The following ATP13A4 variants were observed in gnomAD, a reference collection of about 807,000 sequenced individuals.
The protein encoded by ATP13A4 is ATPase 13A4, also known as probable cation-transporting ATPase 13A4.
Under a neutral mutation model 142.5 loss-of-function variants are expected in ATP13A4, and 114 were observed. That is an observed-to-expected ratio of 0.80 (90% CI 0.69 to 0.93). The LOEUF (loss-of-function observed/expected upper bound fraction) is 0.93. Among genes scored for constraint, ATP13A4 ranks in the 40% least tolerant of loss-of-function variants. The pLI, the probability that ATP13A4 is intolerant of heterozygous loss-of-function variation, is 0.00. For missense variants in ATP13A4, 1,392 were observed against 1,454.0 expected (o/e 0.96, Z 0.69); for synonymous variants, 488 against 514.8 (o/e 0.95, Z 0.70).
At chr3:193,573,278 T>C (rs565729481) in intron 2 of ATP13A4, among the ~76,000 whole-genome samples, 11 of 99,416 alleles carry the variant, frequency 1.1e-4, no homozygotes, top group African/African-American at 4.4e-4. Flanking sequence ...TATATATACA[T>C]ATATATATAT....
chr3:193,490,284 G>C (rs866235799), intron 6 of ATP13A4, among the ~76,000 whole-genome samples: 1 of 152,176 alleles, frequency 6.6e-6, no homozygotes, highest in Non-Finnish European at 1.5e-5. Context: ...CATCACAATA[G>C]TTATTTAAGG....
chr3:193,436,959 C>G (rs1716314109), intron 23 of ATP13A4, among the ~76,000 whole-genome samples: 1 of 148,544 alleles, frequency 6.7e-6, no homozygotes, highest in Non-Finnish European at 1.5e-5. Flanking sequence ...AAAAAATTAG[C>G]CGGGCGTGGT....
intron 28 of ATP13A4, among the ~76,000 whole-genome samples, 192 bp from the exon 29 acceptor site, chr3:193,407,585 A>G (rs1260370669): frequency 2.6e-5 from 4 of 152,096 alleles, no homozygotes; most frequent in Non-Finnish European, 5.9e-5. Context: ...GAAAGGTTAT[A>G]CTTATGATCC....
intron 17 of ATP13A4, among the ~76,000 whole-genome samples, chr3:193,449,313 C>G (rs1387015106): frequency 6.6e-6 from 1 of 152,134 alleles, no homozygotes; most frequent in African/African-American, 2.4e-5. Context: ...AGACACAGAT[C>G]GAGAACAAGA....
At chr3:193,514,426 G>A (rs2108685003) in intron 2 of ATP13A4, among the ~76,000 whole-genome samples, 1 of 152,248 alleles carries the variant, frequency 6.6e-6, no homozygotes, top group Admixed American at 6.5e-5. Context: ...TCTTTATTAT[G>A]GCTGCAGAGT....
intron 25 of ATP13A4, among the ~76,000 whole-genome samples, chr3:193,420,809 C>G (rs1005797801): frequency 2.7e-5 from 4 of 148,672 alleles, no homozygotes; most frequent in African/African-American, 9.9e-5. Flanking sequence ...CTAGAGCAAG[C>G]AGAAGAAAGA....
At chr3:193,555,025 C>T, upstream of ATP13A4, 1 of 1,099,842 alleles carries the variant, frequency 9.1e-7, no homozygotes, top group South Asian at 1.6e-5. Flanking sequence ...GCTGGCTGCT[C>T]CCTGCTTATT....
chr3:193,403,788 A>G (rs1198779082), intron 29 of ATP13A4: 1 of 985,102 alleles, frequency 1.0e-6, no homozygotes, highest in East Asian at 1.1e-4. Context: ...ACCATCTTAG[A>G]GGTTATTGTG....
chr3:193,424,827 A>T (rs1336873965), intron 25 of ATP13A4, among the ~76,000 whole-genome samples: 1 of 149,698 alleles, frequency 6.7e-6, no homozygotes, highest in African/African-American at 2.5e-5. Flanking sequence ...ACAAATGGGG[A>T]TTACATAAAA....
chr3:193,575,373 A>G (rs1243891414), intron 2 of ATP13A4, among the ~76,000 whole-genome samples: 1 of 152,168 alleles, frequency 6.6e-6, no homozygotes, highest in Non-Finnish European at 1.5e-5. Context: ...GCCCATTAGG[A>G]GTAGAAGGTG....
rs753620701 is a variant in ATP13A4, at chr3:193,492,873, T to C, written c.533+44A>G. On this transcript the variant is annotated intron_variant, in intron 5 of 29. Coordinates refer to ENST00000342695, the MANE Select transcript of ATP13A4 (RefSeq NM_032279.4). The stretch of plus-strand genomic sequence containing the variant: ...ACTAGCTGTCTATTTGGCTAACTGA[T>C]AATAATCCTTTTGAGCTAGTATAGG... 2.8e-6 allele frequency: 4 copies of C among 1,443,120 alleles called. No individual in the cohort carries two copies. The South Asian group carries it at 4.6e-5, about 17-fold the overall frequency. 89.4% of individuals were successfully genotyped at this position (1,443,120 alleles called of 1,614,324 possible).
chr3:193,514,016 A>T (rs1239118889), intron 2 of ATP13A4, among the ~76,000 whole-genome samples: 3 of 152,178 alleles, frequency 2.0e-5, no homozygotes, highest in Middle Eastern at 3.2e-3. Flanking sequence ...CATTCACGAA[A>T]CTCACAACTT....
intron 28 of ATP13A4, among the ~76,000 whole-genome samples, chr3:193,408,645 T>C (rs1045970443): frequency 6.6e-6 from 1 of 152,188 alleles, no homozygotes; most frequent in Admixed American, 6.5e-5. Flanking sequence ...AGTCATAAGC[T>C]GCACATAGCC....
At chr3:193,492,865 C>T (rs370131809) in intron 5 of ATP13A4, 52 bp downstream of exon 5, 294 of 1,355,768 alleles carry the variant, frequency 2.2e-4, no homozygotes, top group Non-Finnish European at 2.9e-4. Context: ...GTCTATTTGG[C>T]TAACTGATAA....
At chr3:193,592,071 T>C (rs892721684) in intron 1 of ATP13A4, among the ~76,000 whole-genome samples, 1 of 145,386 alleles carries the variant, frequency 6.9e-6, no homozygotes, top group Non-Finnish European at 1.5e-5. Flanking sequence ...TCCAGACTTA[T>C]GATTCTGACA....
chr3:193,409,616 C>T (rs1467361517), intron 28 of ATP13A4, among the ~76,000 whole-genome samples: 1 of 152,208 alleles, frequency 6.6e-6, no homozygotes, highest in African/African-American at 2.4e-5. Context: ...TACTTATTTC[C>T]ATGAATACTT....
chr3:193,592,089 GA>G (rs1030533434), intron 1 of ATP13A4, among the ~76,000 whole-genome samples: 10 of 140,984 alleles, frequency 7.1e-5, no homozygotes, highest in African/African-American at 2.4e-4. Flanking sequence ...ACAATTAAGG[GA>G]AAAGGAATTG....
chr3:193,514,384 C>A (rs773715647), intron 2 of ATP13A4, among the ~76,000 whole-genome samples: 1 of 152,172 alleles, frequency 6.6e-6, no homozygotes, highest in African/African-American at 2.4e-5. Flanking sequence ...GGCTTCAGCT[C>A]CATCCATGTC....
At chr3:193,518,882 C>A (rs527456567) in intron 1 of ATP13A4, among the ~76,000 whole-genome samples, 2 of 152,298 alleles carry the variant, frequency 1.3e-5, no homozygotes, top group African/African-American at 4.8e-5. Context: ...ATTGGAGCTA[C>A]AGTCTCACCC....
Sources: allele counts gnomAD v4.1 joint callset (sites outside exome capture counted in the v4.1 genomes callset), GRCh38; gene constraint gnomAD v4.1.1; transcripts MANE v1.5; gene names NCBI Gene and HGNC (gene_info 2026-07-23, HGNC 2026-07-21).